The following CIITA variants were observed in gnomAD, a reference collection of about 807,000 sequenced individuals.
CIITA encodes the protein class II major histocompatibility complex transactivator, also known as MHC class II transactivator.
Under a neutral mutation model 115.1 loss-of-function variants are expected in CIITA, and 72 were observed. The ratio of observed to expected loss-of-function variants is 0.63; its 90% CI spans 0.52 to 0.76. The LOEUF (loss-of-function observed/expected upper bound fraction) is 0.76. Among genes scored for constraint, CIITA ranks in the 30% least tolerant of loss-of-function variants. CIITA has a pLI of 0.00. For synonymous variants in CIITA, 763 were observed against 635.6 expected (o/e 1.20, Z -3.02); for missense variants, 1,617 against 1,463.8 (o/e 1.10, Z -1.71).
upstream of CIITA, among the ~76,000 whole-genome samples, chr16:10,872,553 A>G (rs1259257567): frequency 6.6e-6 from 1 of 152,186 alleles, no homozygotes; most frequent in Non-Finnish European, 1.5e-5. Flanking sequence ...CTAATCACCC[A>G]TATATTTCCC....
chr16:10,895,776 C>A lies in CIITA; in HGVS notation c.295+12C>A, dbSNP rs757888829. The stretch of plus-strand genomic sequence containing the variant: ...TTATGCCAATATCGGTGAGGAAGCA[C>A]CTGAGCCCAGAAAAGGACAATCAAG... On this transcript the variant is annotated intron_variant, in intron 3 of 19. Coordinates refer to ENST00000324288, the MANE Select transcript of CIITA (RefSeq NM_000246.4). 3 of 1,613,544 alleles carry A rather than the reference C, an allele frequency of 1.9e-6. No individual in the cohort carries two copies. The South Asian group carries it at 3.3e-5, about 18-fold the overall frequency.
At position 10,882,163 on chromosome 16, in the gene CIITA, C is replaced by G. The variant is rs148437729; in HGVS notation, c.52+4781C>G. On this transcript the variant is annotated intron_variant, in intron 1 of 19. Transcript: ENST00000324288. Reference sequence around the variant, plus strand: ...TATCTGTCTGACTCCCCGCTTTCAACTCTAGAAAGCTTTCTTTTAAAATCG... The same window carrying G: ...TATCTGTCTGACTCCCCGCTTTCAAGTCTAGAAAGCTTTCTTTTAAAATCG... Among the ~76,000 whole-genome samples, 381 of 152,320 alleles carry G rather than the reference C, an allele frequency of 2.5e-3. 1 individual carries two copies. The highest frequency in any genetic ancestry group is 8.1e-3 in the African/African-American group (336 of 41,562).
At chr16:10,904,498 G>C (rs1567411012) in intron 9 of CIITA, among the ~76,000 whole-genome samples, 1 of 152,198 alleles carries the variant, frequency 6.6e-6, no homozygotes, top group Non-Finnish European at 1.5e-5. Flanking sequence ...TGGGATTACA[G>C]GTGTGAGCCA....
rs551198673 is a variant in CIITA, at chr16:10,908,715, G to A, written c.2658-314G>A. 4.2e-4 allele frequency: 235 copies of A among 560,384 alleles called. 5 individuals are homozygous for A. In the South Asian group the frequency reaches 4.4e-3, roughly 10 times the overall value. 34.7% of individuals were successfully genotyped at this position (560,384 alleles called of 1,614,324 possible). A position where few individuals can be genotyped will look rare whatever the true frequency, so the allele number is the denominator to read the frequency against. On this transcript the variant is annotated intron_variant, in intron 11 of 19. Coordinates refer to ENST00000324288, the MANE Select transcript of CIITA (RefSeq NM_000246.4). ...TCTGCTTGAGCATTTCAGCTTAATC[G>A]CCAGAGGATTGCTTCCATATTTCCC...
At chr16:10,897,239 C>G (rs775646498) in intron 3 of CIITA, among the ~76,000 whole-genome samples, 2 of 152,198 alleles carry the variant, frequency 1.3e-5, no homozygotes, top group African/African-American at 4.8e-5. Context: ...GGCCTTCTTA[C>G]TGGTGAGGAC....
upstream of CIITA, among the ~76,000 whole-genome samples, chr16:10,875,927 G>A (rs1052749703): frequency 3.9e-5 from 6 of 152,222 alleles, no homozygotes; most frequent in Non-Finnish European, 5.9e-5. Context: ...CCAAGATAGC[G>A]CCACTGCAGT....
rs199886989 is a variant in CIITA, at chr16:10,915,600, C to T, written c.2919C>T (p.Phe973=). ...GCCCTGTCTCAGGCCCCCAGGCTTT[C>T]CCCAAACTGGTGCGGATCCTCACGG... ...ALGPVSGPQA[F]PKLVRILTAF... The change falls in exon 14 of 20, where the codon TTC becomes TTT. Residue 973 remains phenylalanine (F), a synonymous_variant. Transcript: ENST00000324288. 6.2e-7 allele frequency: 1 copy of T among 1,614,136 alleles called. No homozygotes were observed. The highest frequency in any genetic ancestry group is 8.5e-7 in the Non-Finnish European group (1 of 1,180,014).
In CIITA at chr16:10,901,015, G is replaced by A. The variant is rs550762165; in HGVS notation, c.437-499G>A. ...TTCTTTTAAGGCCATGCAGTGTTTC[G>A]TTGGGTAGATGAACCATAATTTGTT... is the stretch of plus-strand genomic sequence containing the variant. On this transcript the variant is annotated intron_variant, in intron 5 of 19. Coordinates refer to ENST00000324288, the MANE Select transcript of CIITA (RefSeq NM_000246.4). This position sits in a 1 kb window ranked among gnomAD's most constrained non-coding sequence, Gnocchi z 6.8. Among the ~76,000 whole-genome samples the A allele has an allele frequency of 9.3e-4, 142 of 152,182 alleles. 2 individuals carry two copies. The highest frequency in any genetic ancestry group is 1.8e-3 in the Non-Finnish European group (123 of 68,010).
intron 14 of CIITA, among the ~76,000 whole-genome samples, chr16:10,916,049 G>A (rs2039928524): frequency 6.6e-6 from 1 of 152,238 alleles, no homozygotes; most frequent in South Asian, 2.1e-4. Context: ...TTCAGCTGGG[G>A]AGGGATTGGG....
intron 1 of CIITA, among the ~76,000 whole-genome samples, chr16:10,894,888 C>T (rs1264689263): frequency 6.6e-6 from 1 of 152,214 alleles, no homozygotes; most frequent in Non-Finnish European, 1.5e-5. Flanking sequence ...AATAATAATA[C>T]CTTCCTTACA....
Position 10,902,204 on chromosome 16 carries a change from G to C in CIITA, c.628+20G>C, listed in dbSNP as rs1403906770. ...TTCCCAGTATGTTAGGGGGCTTGGA[G>C]AGAGTGGGCTTTCTCCCTCTTGGGA... On this transcript the variant is annotated intron_variant, in intron 7 of 19. Coordinates refer to ENST00000324288, the MANE Select transcript of CIITA (RefSeq NM_000246.4). 6.2e-7 allele frequency: 1 copy of C among 1,613,806 alleles called. No individual in the cohort carries two copies. The highest frequency in any genetic ancestry group is 8.5e-7 in the Non-Finnish European group (1 of 1,179,970).
At chr16:10,895,638 C>T in intron 2 of CIITA, 31 bp from the exon 3 acceptor site, 1 of 1,613,604 alleles carries the variant, frequency 6.2e-7, no homozygotes, top group Non-Finnish European at 8.5e-7. Context: ...CCAGAAATTT[C>T]CTTCTTCATC....
rs1011042764 is a variant in CIITA at position 10,933,685 on chromosome 16, G to A, written c.*9830G>A. The A allele has an allele frequency of 1.3e-5, 2 of 152,264 alleles. No homozygotes were observed. Among genetic ancestry groups the A allele is most frequent in the South Asian group, 2.1e-4 (1 of 4,830 alleles). The allele number at this position is 152,264 out of a possible 1,614,324, so 9.4% of individuals were successfully genotyped here. On this transcript the variant is annotated 3_prime_UTR_variant, in exon 20 of 20. Transcript: ENST00000324288. ...CTGTTCCCAGGTAGAAACCAATACC[G>A]GCAGGGAACCTTCTCAAGGCTAGGG...
chr16:10,895,292 G>A lies in CIITA; in HGVS notation c.63G>A (p.Gln21=), dbSNP rs748905238. Residue 21 remains glutamine (Q), a synonymous_variant, in exon 2 of 20, where the codon CAG becomes CAA. Transcript: ENST00000324288. ...TGTCTTCCCTCCCAGGCAGCTCACA[G>A]TGTGCCACCATGGAGTTGGGGCCCC... is the stretch of plus-strand genomic sequence containing the variant. ...SYLSEPQGSS[Q]CATMELGPLE... The A allele has an allele frequency of 3.1e-6, 5 of 1,613,970 alleles. No homozygotes were observed. Among genetic ancestry groups the A allele is most frequent in the Non-Finnish European group, 4.2e-6 (5 of 1,180,024 alleles).
intron 12 of CIITA, among the ~76,000 whole-genome samples, chr16:10,909,849 C>T (rs1045003475): frequency 2.0e-5 from 3 of 152,178 alleles, no homozygotes; most frequent in African/African-American, 7.2e-5. Flanking sequence ...ATCCTCCTGC[C>T]TCAGCCTCCC....
Position 10,906,579 on chromosome 16 carries a change from G to A in CIITA, c.1087G>A (p.Val363Met). The A allele has an allele frequency of 1.2e-6, 2 of 1,613,582 alleles. No individual in the cohort carries two copies. Among genetic ancestry groups the A allele is most frequent in the South Asian group, 1.1e-5 (1 of 91,056 alleles). ...PAGPDGILVEVDLVQARLERS... is the reference protein window; with the variant it reads ...PAGPDGILVEMDLVQARLERS... ...AGGCCCGGATGGCATCCTAGTGGAG[G>A]TGGATCTGGTGCAGGCCAGGCTGGA... Residue 363 changes from valine to methionine, a missense_variant, in exon 11 of 20, where the codon GTG becomes ATG. Val to Met is a conservative substitution (Grantham distance 21). Coordinates refer to ENST00000324288, the MANE Select transcript of CIITA (RefSeq NM_000246.4).
Position 10,915,658 on chromosome 16 carries a change from T to C in CIITA, c.2969+8T>C, listed in dbSNP as rs1484331988. The C allele has an allele frequency of 1.9e-6, 3 of 1,611,322 alleles. No individual in the cohort carries two copies. The highest frequency in any genetic ancestry group is 2.2e-5 in the South Asian group (2 of 91,006). On this transcript the variant is annotated splice_region_variant and intron_variant, in intron 14 of 19. Transcript: ENST00000324288. ...CTCCCTGCAGCATCTGGAGTGAGTATAGACTCTGGGACCCCTTCCTCTCAA... is the reference window on the plus strand; with the variant it reads ...CTCCCTGCAGCATCTGGAGTGAGTACAGACTCTGGGACCCCTTCCTCTCAA...
Position 10,895,681 on chromosome 16 carries a change from A to G in CIITA, c.212A>G (p.Asp71Gly), listed in dbSNP as rs747429995. 7 of 1,614,018 alleles carry G rather than the reference A, an allele frequency of 4.3e-6. No homozygotes were observed. The highest frequency in any genetic ancestry group is 5.9e-6 in the Non-Finnish European group (7 of 1,180,002). ...EIELYSEPDT[D>G]TINCDQFSRL... The stretch of plus-strand genomic sequence containing the variant: ...CTTTTCCTCCCAGAACCCGACACAG[A>G]CACCATCAACTGCGACCAGTTCAGC... Residue 71 changes from aspartate (D) to glycine (G), a missense_variant, in exon 3 of 20, where the codon GAC becomes GGC. Transcript: ENST00000324288.
Position 10,902,163 on chromosome 16 carries a change from G to C in CIITA, c.607G>C (p.Glu203Gln), listed in dbSNP as rs529296576. ...QEPASGQMRL[E>Q]KTDQIPMPFS... ...GCCAGCCTCCGGCCAGATGCGCCTG[G>C]AGAAAACCGACCAGATTCCCAGTAT... The change falls in exon 7 of 20, where the codon GAG becomes CAG. Residue 203 changes from glutamate (E) to glutamine (Q), a missense_variant. Glu to Gln is a conservative substitution (Grantham distance 29). Coordinates refer to ENST00000324288, the MANE Select transcript of CIITA (RefSeq NM_000246.4). 2 of 1,614,150 alleles carry C rather than the reference G, an allele frequency of 1.2e-6. No homozygotes were observed. The highest frequency in any genetic ancestry group is 2.7e-5 in the African/African-American group (2 of 75,042).
Sources: allele counts gnomAD v4.1 joint callset (sites outside exome capture counted in the v4.1 genomes callset), GRCh38; gene constraint gnomAD v4.1.1; non-coding constraint Gnocchi (gnomAD v3.1); transcripts MANE v1.5; gene names NCBI Gene and HGNC (gene_info 2026-07-23, HGNC 2026-07-21).